PBX1: variants seen among roughly 807,000 people sequenced by gnomAD.
The protein encoded by PBX1 is pre-B-cell leukemia transcription factor 1.
In PBX1, 6 loss-of-function variants were observed where a neutral mutation model predicts 53.4. The ratio of observed to expected loss-of-function variants is 0.11; its 90% CI spans 0.06 to 0.22. PBX1 has a LOEUF of 0.22. PBX1 is among the 10% of genes least tolerant of loss of function. The probability of loss-of-function intolerance (pLI) is 1.00; values close to 1 mark genes in which losing one functional copy is unlikely to be tolerated. For synonymous variants in PBX1, 204 were observed against 212.3 expected (o/e 0.96, Z 0.34); for missense variants, 251 against 551.4 (o/e 0.46, Z 5.46).
intron 4 of PBX1, among the ~76,000 whole-genome samples, chr1:164,806,077 A>G (rs375953878): frequency 6.6e-6 from 1 of 152,180 alleles, no homozygotes; most frequent in African/African-American, 2.4e-5. Context: ...AATCTTTTCC[A>G]TAAGGAAAAG....
At chr1:164,708,200 A>G (rs6692533) in intron 2 of PBX1, among the ~76,000 whole-genome samples, 107,563 of 152,012 alleles carry the variant, frequency 0.71, 38,925 homozygotes, top group Middle Eastern at 0.83. Flanking sequence ...AGGGATAGGA[A>G]CCAGAGTTCC....
chr1:164,736,698 A>ATG (rs1197970040), intron 2 of PBX1, among the ~76,000 whole-genome samples: 3 of 152,220 alleles, frequency 2.0e-5, no homozygotes, highest in Non-Finnish European at 1.5e-5. Flanking sequence ...AGATGGACAG[A>ATG]TGGAGGAGAG....
At chr1:164,625,138 G>A (rs367980030) in intron 2 of PBX1, among the ~76,000 whole-genome samples, 1 of 152,098 alleles carries the variant, frequency 6.6e-6, no homozygotes, top group Non-Finnish European at 1.5e-5. Flanking sequence ...CCAGAAACTT[G>A]ATTTTACTTT....
chr1:164,721,997 C>A (rs997855148), intron 2 of PBX1, among the ~76,000 whole-genome samples: 26 of 152,152 alleles, frequency 1.7e-4, no homozygotes, highest in African/African-American at 5.8e-4. Context: ...TAAAATGATA[C>A]ACTATCCTAT....
intron 4 of PBX1, among the ~76,000 whole-genome samples, chr1:164,803,150 T>C (rs916041151): frequency 1.4e-4 from 21 of 152,332 alleles, no homozygotes; most frequent in Admixed American, 1.2e-3. Flanking sequence ...ACTGAGCTCT[T>C]ACTATCTGCC....
At chr1:164,618,259 G>A (rs1302361026) in intron 2 of PBX1, among the ~76,000 whole-genome samples, 3 of 142,682 alleles carry the variant, frequency 2.1e-5, no homozygotes, top group African/African-American at 5.1e-5. Context: ...TCGGAGAGGA[G>A]ATTCTAAGTT....
At chr1:164,853,945 T>G (rs910455504), downstream of PBX1, among the ~76,000 whole-genome samples, 1 of 151,392 alleles carries the variant, frequency 6.6e-6, no homozygotes, top group African/African-American at 2.4e-5. Context: ...ATTTTATTTT[T>G]TTTTTTGAGA....
intron 2 of PBX1, among the ~76,000 whole-genome samples, chr1:164,772,665 G>A (rs1339989629): frequency 6.6e-6 from 1 of 152,172 alleles, no homozygotes; most frequent in Non-Finnish European, 1.5e-5. Context: ...ACCTTAAAAG[G>A]GACAGTGATT....
At chr1:164,591,192 C>T (rs934879390) in intron 2 of PBX1, among the ~76,000 whole-genome samples, 3 of 151,694 alleles carry the variant, frequency 2.0e-5, no homozygotes. Flanking sequence ...TTGTATTTTT[C>T]GTAGAGACGG....
intron 2 of PBX1, among the ~76,000 whole-genome samples, chr1:164,675,944 C>T (rs1005095074): frequency 6.6e-6 from 1 of 152,058 alleles, no homozygotes; most frequent in Admixed American, 6.5e-5. Flanking sequence ...AACCTCTCAC[C>T]CTCTTTTCTC....
At chr1:164,764,535 T>C (rs1483136560) in intron 2 of PBX1, among the ~76,000 whole-genome samples, 3 of 152,322 alleles carry the variant, frequency 2.0e-5, no homozygotes, top group African/African-American at 7.2e-5. Context: ...CTTCAGAATG[T>C]CAGGAGAAAC....
At chr1:164,821,793 C>CA (rs1331104714) in intron 8 of PBX1, among the ~76,000 whole-genome samples, 167 bp downstream of exon 8, 5 of 152,112 alleles carry the variant, frequency 3.3e-5, no homozygotes, top group Non-Finnish European at 5.9e-5. Context: ...ATTCTACCCA[C>CA]AAAAAAAGTG....
chr1:164,795,033 A>G (rs1245482306), intron 3 of PBX1, among the ~76,000 whole-genome samples: 2 of 152,216 alleles, frequency 1.3e-5, no homozygotes, highest in African/African-American at 4.8e-5. Flanking sequence ...TATGACAGCC[A>G]TAGTACATTT....
In PBX1 at chr1:164,763,244, C is replaced by T. The variant is rs76995748; in HGVS notation, c.266-29250C>T. On this transcript the variant is annotated intron_variant, in intron 2 of 8. Coordinates refer to ENST00000420696, the MANE Select transcript of PBX1 (RefSeq NM_002585.4). ...CCATAGACCACAAAAAACTTAGGCT[C>T]CTTCCTGAGTTTTCACTCAGTCTTC... Among the ~76,000 whole-genome samples, 142 of 152,256 alleles carry T rather than the reference C, an allele frequency of 9.3e-4. 3 individuals carry two copies. The East Asian group carries it at 0.023, about 24-fold the overall frequency.
chr1:164,707,775 A>G (rs1663525886), intron 2 of PBX1, among the ~76,000 whole-genome samples: 2 of 152,204 alleles, frequency 1.3e-5, no homozygotes, highest in Non-Finnish European at 2.9e-5. Flanking sequence ...GTCTGAGTGA[A>G]ATGGCATTAT....
At position 164,848,741 on chromosome 1, in the gene PBX1, G is replaced by A. The variant is rs961053337; in HGVS notation, c.*2065G>A. The A allele has an allele frequency of 8.5e-6, 9 of 1,058,758 alleles. No individual in the cohort carries two copies. In the South Asian group the frequency reaches 1.8e-4, roughly 21 times the overall value. 65.6% of individuals were successfully genotyped at this position (1,058,758 alleles called of 1,614,324 possible). ...CATTGACTGCTTGGGAGGCTTCCAGGGAGAAGTATGAGACCCTGAGGGGTG... is the reference window on the plus strand; with the variant it reads ...CATTGACTGCTTGGGAGGCTTCCAGAGAGAAGTATGAGACCCTGAGGGGTG... On this transcript the variant is annotated 3_prime_UTR_variant, in exon 9 of 9. Coordinates refer to ENST00000420696, the MANE Select transcript of PBX1 (RefSeq NM_002585.4).
intron 2 of PBX1, among the ~76,000 whole-genome samples, chr1:164,871,836 C>T (rs1672390139): frequency 6.7e-6 from 1 of 149,726 alleles, no homozygotes. Context: ...TCTTGCTGCT[C>T]TACTGCACAC....
intron 3 of PBX1, among the ~76,000 whole-genome samples, 197 bp from the exon 4 acceptor site, chr1:164,799,502 A>G (rs994138158): frequency 2.0e-5 from 3 of 152,350 alleles, no homozygotes; most frequent in South Asian, 2.1e-4. Flanking sequence ...AAAAAAATAA[A>G]TAAATAAAAA....
chr1:164,853,940 A>ATT (rs58184792), downstream of PBX1, among the ~76,000 whole-genome samples: 76 of 145,914 alleles, frequency 5.2e-4, no homozygotes, highest in African/African-American at 1.9e-3. Context: ...TATTTATTTT[A>ATT]TTTTTTTTTT....
Sources: allele counts gnomAD v4.1 joint callset (sites outside exome capture counted in the v4.1 genomes callset), GRCh38; gene constraint gnomAD v4.1.1; transcripts MANE v1.5; gene names NCBI Gene and HGNC (gene_info 2026-07-23, HGNC 2026-07-21).